The following SMPD3 variants were observed in gnomAD, a reference collection of about 807,000 sequenced individuals.
SMPD3 encodes nSMase-2.
Under a neutral mutation model 55.7 loss-of-function variants are expected in SMPD3, and 21 were observed. That is an observed-to-expected ratio of 0.38 (90% confidence interval 0.27 to 0.54). The LOEUF (loss-of-function observed/expected upper bound fraction) is 0.54. Ranked by LOEUF, SMPD3 falls within the 20% of genes least tolerant of loss-of-function variation. The probability of loss-of-function intolerance (pLI) is 0.80; values close to 1 mark genes in which losing one functional copy is unlikely to be tolerated. For synonymous variants in SMPD3, 457 were observed against 404.3 expected, an observed-to-expected ratio of 1.13 and a Z score of -1.56; for missense variants, 842 against 899.6, an observed-to-expected ratio of 0.94 and a Z score of 0.82.
intron 8 of SMPD3, 54 bp downstream of exon 8, chr16:68,361,549 C>T: frequency 1.3e-6 from 2 of 1,593,332 alleles, no homozygotes; most frequent in Non-Finnish European, 1.7e-6. Context: ...GCTGCAGGGC[C>T]CGGGCCCTGC....
At chr16:68,380,358 G>T (rs1236290322) in intron 2 of SMPD3, among the ~76,000 whole-genome samples, 1 of 152,238 alleles carries the variant, frequency 6.6e-6, no homozygotes, top group African/African-American at 2.4e-5. Context: ...ATGAAGATGG[G>T]GAACCTCCTC....
chr16:68,418,125 G>A (rs2090354041), intron 1 of SMPD3, among the ~76,000 whole-genome samples: 1 of 152,108 alleles, frequency 6.6e-6, no homozygotes, highest in Admixed American at 6.5e-5. Flanking sequence ...TGTTGTGTGC[G>A]GGCTGTCAGC....
intron 2 of SMPD3, among the ~76,000 whole-genome samples, chr16:68,379,418 C>A (rs1268736475): frequency 2.0e-5 from 3 of 152,232 alleles, no homozygotes; most frequent in African/African-American, 2.4e-5. Context: ...GCACGTGCAG[C>A]ACCGAGTGTG....
At position 68,359,185 on chromosome 16, in the gene SMPD3, C is replaced by G. The variant is rs373655211; in HGVS notation, c.*2021G>C. The G allele has an allele frequency of 6.6e-6, 1 of 152,364 alleles. No homozygotes were observed. The highest frequency in any genetic ancestry group is 1.5e-5 in the Non-Finnish European group (1 of 68,124). 9.4% of individuals were successfully genotyped at this position (152,364 alleles called of 1,614,324 possible). ...CAACTGCTCTCCCTGTGCAGGCAGTCGGCAGGCGGCTCGGGGTCTAGGGGT... is the reference window on the plus strand; with the variant it reads ...CAACTGCTCTCCCTGTGCAGGCAGTGGGCAGGCGGCTCGGGGTCTAGGGGT... On this transcript the variant is annotated 3_prime_UTR_variant, in exon 9 of 9. Coordinates refer to ENST00000219334, the MANE Select transcript of SMPD3 (RefSeq NM_018667.4).
chr16:68,392,682 G>A lies in SMPD3; in HGVS notation c.-268-6023C>T, dbSNP rs558135939. Among the ~76,000 whole-genome samples, 13 of 152,016 alleles carry A rather than the reference G, an allele frequency of 8.6e-5. No homozygotes were observed. In the East Asian group the frequency reaches 9.7e-4, roughly 11 times the overall value. On this transcript the variant is annotated intron_variant, in intron 1 of 8. Transcript: ENST00000219334. ...TTAGAGACCAGCCTGGCCAACACGC[G>A]AAACTCTGTTTCTACTAAAAAGACA...
At chr16:68,444,044 A>G (rs2090589017) in intron 1 of SMPD3, among the ~76,000 whole-genome samples, 1 of 152,236 alleles carries the variant, frequency 6.6e-6, no homozygotes, top group African/African-American at 2.4e-5. Context: ...GTTTCCTCTT[A>G]TTAGCTCATA....
At chr16:68,388,352 C>G (rs948136524) in intron 1 of SMPD3, among the ~76,000 whole-genome samples, 6 of 152,208 alleles carry the variant, frequency 3.9e-5, no homozygotes, top group African/African-American at 1.4e-4. Flanking sequence ...GGACTCCTGC[C>G]TCTTCACCCA....
Position 68,363,484 on chromosome 16 carries a change from C to G in SMPD3, c.1709+12G>C, listed in dbSNP as rs371304037. 6.2e-7 allele frequency: 1 copy of G among 1,613,926 alleles called. No homozygotes were observed. Among genetic ancestry groups the G allele is most frequent in the Non-Finnish European group, 8.5e-7 (1 of 1,179,922 alleles). On this transcript the variant is annotated intron_variant, in intron 7 of 8. Transcript: ENST00000219334. ...GTGTGCCTCGTCCCTGGCCTGGGAG[C>G]GCAGTGCTTACTTCTGCAGGTTGTC... is the stretch of plus-strand genomic sequence containing the variant.
Position 68,358,764 on chromosome 16 carries a change from G to C in SMPD3, c.*2442C>G, listed in dbSNP as rs982657303. 6.6e-6 allele frequency: 1 copy of C among 152,568 alleles called. No individual in the cohort carries two copies. The highest frequency in any genetic ancestry group is 6.5e-5 in the Admixed American group (1 of 15,308). The allele number at this position is 152,568 out of a possible 1,614,324, so 9.5% of individuals were successfully genotyped here. A position where few individuals can be genotyped will look rare whatever the true frequency, so the allele number is the denominator to read the frequency against. ...GGAACAGAGTCTTGGTATGGGCCTCGGGTGACCCGTGTGCCCACCCCTGCT... is the reference window on the plus strand; with the variant it reads ...GGAACAGAGTCTTGGTATGGGCCTCCGGTGACCCGTGTGCCCACCCCTGCT... On this transcript the variant is annotated 3_prime_UTR_variant, in exon 9 of 9. Coordinates refer to ENST00000219334, the MANE Select transcript of SMPD3 (RefSeq NM_018667.4).
intron 2 of SMPD3, among the ~76,000 whole-genome samples, chr16:68,381,199 G>A (rs2089943582): frequency 6.6e-6 from 1 of 152,172 alleles, no homozygotes; most frequent in Non-Finnish European, 1.5e-5. Flanking sequence ...GCCCCGTCCT[G>A]GACCCTTTTG....
intron 1 of SMPD3, among the ~76,000 whole-genome samples, chr16:68,397,283 G>C (rs779160686): frequency 1.2e-4 from 19 of 152,226 alleles, no homozygotes; most frequent in Non-Finnish European, 2.4e-4. Flanking sequence ...CTGTCCCAGA[G>C]GGATTCAAGG....
At chr16:68,372,450 G>A in intron 2 of SMPD3, 63 bp from the exon 3 acceptor site, 1 of 521,880 alleles carries the variant, frequency 1.9e-6, no homozygotes, top group Non-Finnish European at 3.5e-6. Context: ...TCAGATATGG[G>A]GCCTTTGCCC....
At chr16:68,417,024 T>C (rs1007790271) in intron 1 of SMPD3, among the ~76,000 whole-genome samples, 2 of 152,138 alleles carry the variant, frequency 1.3e-5, no homozygotes, top group African/African-American at 4.8e-5. Flanking sequence ...TCAGGGCTGG[T>C]GCACCCATCC....
At chr16:68,395,986 T>C (rs938568320) in intron 1 of SMPD3, among the ~76,000 whole-genome samples, 1 of 152,226 alleles carries the variant, frequency 6.6e-6, no homozygotes, top group Non-Finnish European at 1.5e-5. Flanking sequence ...GTGCCTGGCC[T>C]GGGCGGCCCA....
In SMPD3 at chr16:68,447,299, T is replaced by TG. The variant is rs2090617815; in HGVS notation, c.-269+1053dup. On this transcript the variant is annotated intron_variant, in intron 1 of 8. Coordinates refer to ENST00000219334, the MANE Select transcript of SMPD3 (RefSeq NM_018667.4). This position sits in a 1 kb window ranked among gnomAD's most constrained non-coding sequence, Gnocchi z 5.1. Reference sequence around the variant, plus strand: ...CCCCAAAGATTCGCGGGCACGAGGTTGGGGGTAGCGTCTACCTGGAGCTCT... The same window carrying TG: ...CCCCAAAGATTCGCGGGCACGAGGTTGGGGGGTAGCGTCTACCTGGAGCTCT... Among the ~76,000 whole-genome samples the TG allele has an allele frequency of 6.6e-6, 1 of 151,652 alleles. No individual in the cohort carries two copies. The highest frequency in any genetic ancestry group is 1.5e-5 in the Non-Finnish European group (1 of 67,860).
At chr16:68,413,042 G>A (rs777612940) in intron 1 of SMPD3, among the ~76,000 whole-genome samples, 29 of 152,214 alleles carry the variant, frequency 1.9e-4, no homozygotes, top group African/African-American at 7.0e-4. Flanking sequence ...AGCTCATGCC[G>A]CTAATGCTTT....
intron 1 of SMPD3, among the ~76,000 whole-genome samples, chr16:68,430,468 A>G (rs2090470770): frequency 6.6e-6 from 1 of 152,196 alleles, no homozygotes; most frequent in Non-Finnish European, 1.5e-5. Flanking sequence ...TGAGCATGAC[A>G]GCTATTTTGG....
In SMPD3 at chr16:68,447,594, A is replaced by C. The variant is rs2090620436; in HGVS notation, c.-269+759T>G. ...CCACCCAACCCTCGGCGCGGGCCCG[A>C]GCGCGGGGGATTCCGAGTGTCAGTG... On this transcript the variant is annotated intron_variant, in intron 1 of 8. Transcript: ENST00000219334. This position sits in a 1 kb window ranked among gnomAD's most constrained non-coding sequence, Gnocchi z 5.1. Among the ~76,000 whole-genome samples the C allele has an allele frequency of 6.6e-6, 1 of 151,824 alleles. No individual in the cohort carries two copies. Among genetic ancestry groups the C allele is most frequent in the Non-Finnish European group, 1.5e-5 (1 of 67,916 alleles).
chr16:68,441,955 G>T (rs192391708), intron 1 of SMPD3, among the ~76,000 whole-genome samples: 1 of 151,872 alleles, frequency 6.6e-6, no homozygotes. Flanking sequence ...TTATAGAGAC[G>T]GGGTCTCACT....
Sources: allele counts gnomAD v4.1 joint callset (sites outside exome capture counted in the v4.1 genomes callset), GRCh38; gene constraint gnomAD v4.1.1; non-coding constraint Gnocchi (gnomAD v3.1); transcripts MANE v1.5; gene names NCBI Gene and HGNC (gene_info 2026-07-23, HGNC 2026-07-21).